Variants in INPP5A observed in about 807,000 individuals in gnomAD.
INPP5A encodes the protein inositol polyphosphate-5-phosphatase A, also known as 43 kDa inositol polyphosphate 5-phophatase.
INPP5A carries 14 observed loss-of-function variants against 65.2 expected under a neutral mutation model. The ratio of observed to expected loss-of-function variants is 0.21; its 90% CI spans 0.14 to 0.34. The LOEUF is 0.34. Among genes scored for constraint, INPP5A ranks in the 10% least tolerant of loss-of-function variants. The pLI is 1.00. For missense variants in INPP5A, 431 were observed against 545.6 expected, an observed-to-expected ratio of 0.79 and a Z score of 2.09; for synonymous variants, 207 against 208.3, an observed-to-expected ratio of 0.99 and a Z score of 0.05.
chr10:132,660,247 A>G (rs1385240451), intron 4 of INPP5A, among the ~76,000 whole-genome samples: 1 of 152,264 alleles, frequency 6.6e-6, no homozygotes, highest in East Asian at 1.9e-4. Flanking sequence ...AAATTGAAAA[A>G]TCAATGTTGA....
At chr10:132,772,406 C>G (rs1846970110) in intron 12 of INPP5A, among the ~76,000 whole-genome samples, 1 of 122,198 alleles carries the variant, frequency 8.2e-6, no homozygotes, top group African/African-American at 3.2e-5. Flanking sequence ...ACGGCAGCCA[C>G]CCCACGAGGA....
chr10:132,745,223 G>A (rs1379642342), intron 9 of INPP5A, among the ~76,000 whole-genome samples: 2 of 152,150 alleles, frequency 1.3e-5, no homozygotes, highest in Non-Finnish European at 2.9e-5. Flanking sequence ...ATCCCCTCGC[G>A]AGCTCCTGGA....
Position 132,675,597 on chromosome 10 carries a change from G to C in INPP5A, c.307-14795G>C, listed in dbSNP as rs1017962759. Among the ~76,000 whole-genome samples, 3 of 151,776 alleles carry C rather than the reference G, an allele frequency of 2.0e-5. No homozygotes were observed. The highest frequency in any genetic ancestry group is 4.4e-5 in the Non-Finnish European group (3 of 68,006). ...GCCTTGCCGTGCCCGGGAGAGTGAG[G>C]GTAACGGACATTCCCACGGGGATAT... On this transcript the variant is annotated intron_variant, in intron 4 of 15. Transcript: ENST00000368594. This position sits in a 1 kb window ranked among gnomAD's most constrained non-coding sequence, Gnocchi z 4.2.
intron 12 of INPP5A, among the ~76,000 whole-genome samples, chr10:132,767,537 C>G (rs1307019688): frequency 1.3e-5 from 2 of 152,200 alleles, no homozygotes; most frequent in Non-Finnish European, 2.9e-5. Flanking sequence ...CACCGAGGCT[C>G]CCTGCCAGGC....
chr10:132,749,674 C>T, intron 10 of INPP5A, 62 bp downstream of exon 10: 1 of 1,599,948 alleles, frequency 6.3e-7, no homozygotes, highest in South Asian at 1.1e-5. Flanking sequence ...CTGCAGCTTC[C>T]TTCAGAGCCG....
rs901797710 is a variant in INPP5A, at chr10:132,594,674, CGTG to C, written c.76-13236_76-13234del. Among the ~76,000 whole-genome samples, 9 of 151,750 alleles carry C rather than the reference CGTG, an allele frequency of 5.9e-5. No homozygotes were observed. The South Asian group carries it at 6.3e-4, about 11-fold the overall frequency. ...ATGTGTGTGGGGTGCATATGTGTGG[CGTG>C]GTGGGTGTGTGTGTGCCTGCACGTG... On this transcript the variant is annotated intron_variant, in intron 1 of 15. Coordinates refer to ENST00000368594, the MANE Select transcript of INPP5A (RefSeq NM_005539.5).
Position 132,704,398 on chromosome 10 carries a change from G to A in INPP5A, c.475-3915G>A, listed in dbSNP as rs987114643. Among the ~76,000 whole-genome samples the A allele has an allele frequency of 6.6e-6, 1 of 152,238 alleles. No homozygotes were observed. Among genetic ancestry groups the A allele is most frequent in the Admixed American group, 6.5e-5 (1 of 15,286 alleles). ...GCCTAAAGCCACCAAGGGACCATAG[G>A]TGCAGTTCTTAACCTGTGAGCCTCA... On this transcript the variant is annotated intron_variant, in intron 6 of 15. Transcript: ENST00000368594. The surrounding 1 kb of genome is among the most constrained non-coding windows in gnomAD (Gnocchi z 4.5).
rs2767435 is a variant in INPP5A at position 132,777,597 on chromosome 10, C to T, written c.978-74C>T. ...ATTCTAAGGTGTATTGGGAGAGAATCGGCACAGCCGTCCCTTTGGGGCTGA... is the reference window on the plus strand; with the variant it reads ...ATTCTAAGGTGTATTGGGAGAGAATTGGCACAGCCGTCCCTTTGGGGCTGA... On this transcript the variant is annotated intron_variant, in intron 12 of 15. Coordinates refer to ENST00000368594, the MANE Select transcript of INPP5A (RefSeq NM_005539.5). 6.9e-3 allele frequency: 9,245 copies of T among 1,330,216 alleles called. 446 individuals are homozygous for T. In the African/African-American group the frequency reaches 0.11, roughly 15 times the overall value. The allele number at this position is 1,330,216 out of a possible 1,614,324, so 82.4% of individuals were successfully genotyped here. A position where few individuals can be genotyped will look rare whatever the true frequency, so the allele number is the denominator to read the frequency against.
rs1258138927 is a variant in INPP5A, at chr10:132,762,478, C to T, written c.904-3295C>T. The stretch of plus-strand genomic sequence containing the variant: ...AAGAGCTGGTGGAAAACCCCACCCA[C>T]ACACTTAGAGTTCTCTCAGCAGCCA... On this transcript the variant is annotated intron_variant, in intron 11 of 15. Coordinates refer to ENST00000368594, the MANE Select transcript of INPP5A (RefSeq NM_005539.5). The surrounding 1 kb of genome is among the most constrained non-coding windows in gnomAD (Gnocchi z 4.6). Among the ~76,000 whole-genome samples the T allele has an allele frequency of 6.6e-6, 1 of 152,144 alleles. No individual in the cohort carries two copies. The highest frequency in any genetic ancestry group is 1.5e-5 in the Non-Finnish European group (1 of 68,038).
intron 1 of INPP5A, among the ~76,000 whole-genome samples, chr10:132,562,924 C>T (rs769478767): frequency 1.4e-4 from 21 of 152,322 alleles, no homozygotes; most frequent in Admixed American, 5.2e-4. Flanking sequence ...CTGTCTGCTC[C>T]CTGGTGCCCC....
At chr10:132,542,119 G>T (rs2070914170) in intron 1 of INPP5A, among the ~76,000 whole-genome samples, 1 of 152,270 alleles carries the variant, frequency 6.6e-6, no homozygotes, top group Admixed American at 6.5e-5. Flanking sequence ...GCATGGTCAG[G>T]CTGCTGTTTG....
chr10:132,716,882 G>A (rs1211711942), intron 8 of INPP5A, among the ~76,000 whole-genome samples: 5 of 152,254 alleles, frequency 3.3e-5, no homozygotes, highest in Non-Finnish European at 5.9e-5. Context: ...CGCCCTGCAC[G>A]GGGCTCCCCG....
Position 132,575,697 on chromosome 10 carries a change from C to T in INPP5A, c.76-32218C>T, listed in dbSNP as rs1214577431. ...CAGCTTAGACAAGGAACTCCTGACGCCTCAGCGCCTGGCCCTCAGGACAGC... is the reference window on the plus strand; with the variant it reads ...CAGCTTAGACAAGGAACTCCTGACGTCTCAGCGCCTGGCCCTCAGGACAGC... On this transcript the variant is annotated intron_variant, in intron 1 of 15. Transcript: ENST00000368594. This position sits in a 1 kb window ranked among gnomAD's most constrained non-coding sequence, Gnocchi z 5.4. Among the ~76,000 whole-genome samples, 1 of 152,202 alleles carries T rather than the reference C, an allele frequency of 6.6e-6. No homozygotes were observed. Among genetic ancestry groups the T allele is most frequent in the Non-Finnish European group, 1.5e-5 (1 of 68,034 alleles).
rs147089009 is a variant in INPP5A at position 132,660,252 on chromosome 10, T to C, written c.306+9747T>C. Among the ~76,000 whole-genome samples, 877 of 152,294 alleles carry C rather than the reference T, an allele frequency of 5.8e-3. 13 individuals carry two copies. Among genetic ancestry groups the C allele is most frequent in the Non-Finnish European group, 4.7e-3 (321 of 68,024 alleles). ...CAGCATGGAAAAATTGAAAAATCAA[T>C]GTTGAAAACTGGAAAATCAAGAAGT... On this transcript the variant is annotated intron_variant, in intron 4 of 15. Transcript: ENST00000368594.
chr10:132,703,896 A>C (rs1590938628), intron 6 of INPP5A, among the ~76,000 whole-genome samples: 1 of 63,272 alleles, frequency 1.6e-5, no homozygotes, highest in Non-Finnish European at 2.9e-5. Flanking sequence ...CCCCACACAC[A>C]CACGTGGCTT....
chr10:132,659,158 C>T lies in INPP5A; in HGVS notation c.306+8653C>T, dbSNP rs1269250938. Among the ~76,000 whole-genome samples, 1 of 152,202 alleles carries T rather than the reference C, an allele frequency of 6.6e-6. No individual in the cohort carries two copies. Among genetic ancestry groups the T allele is most frequent in the African/African-American group, 2.4e-5 (1 of 41,448 alleles). On this transcript the variant is annotated intron_variant, in intron 4 of 15. Coordinates refer to ENST00000368594, the MANE Select transcript of INPP5A (RefSeq NM_005539.5). The surrounding 1 kb of genome is among the most constrained non-coding windows in gnomAD (Gnocchi z 5.5). ...GTGTTCTCCAAACTTCCGGGGAGAC[C>T]TGTCTGTGCTCCTGTAGGTGTCAGG...
intron 2 of INPP5A, among the ~76,000 whole-genome samples, chr10:132,617,442 T>C (rs1025666165): frequency 6.6e-6 from 1 of 152,144 alleles, no homozygotes; most frequent in African/African-American, 2.4e-5. Context: ...TCACACACGC[T>C]CACTGCCTGG....
intron 6 of INPP5A, 129 bp from the exon 7 acceptor site, chr10:132,708,184 A>G (rs1337443227): frequency 5.4e-5 from 41 of 752,570 alleles, no homozygotes; most frequent in Non-Finnish European, 9.1e-5. Context: ...GTGGGGCGGC[A>G]TCAGTGCCGG....
chr10:132,652,692 A>AGGT (rs1301349058), intron 4 of INPP5A, among the ~76,000 whole-genome samples: 2 of 152,188 alleles, frequency 1.3e-5, no homozygotes, highest in Admixed American at 1.3e-4. Context: ...CTTTAGATAT[A>AGGT]AAGACACAGG....
Sources: gnomAD v4.1 joint callset for allele counts (sites outside exome capture counted in the v4.1 genomes callset) on GRCh38, gnomAD v4.1.1 for gene constraint, Gnocchi (gnomAD v3.1) non-coding constraint, MANE v1.5 for transcripts, NCBI Gene and HGNC (gene_info 2026-07-23, HGNC 2026-07-21) for gene names.